The following HDX variants were observed in gnomAD, a reference collection of about 807,000 sequenced individuals.
The protein encoded by HDX is chromosome X open reading frame 43.
In HDX, 19 loss-of-function variants were observed where a neutral mutation model predicts 45.2. The observed-to-expected ratio is 0.42, with a 90% CI of 0.29 to 0.62. The LOEUF is 0.62. HDX is among the 20% of genes least tolerant of loss of function. HDX has a pLI of 0.20. For synonymous variants in HDX, 188 were observed against 172.8 expected (o/e 1.09, Z -0.69); for missense variants, 532 against 493.9 (o/e 1.08, Z -0.73).
At chrX:84,490,707 A>AT (rs778046840) in intron 1 of HDX, among the ~76,000 whole-genome samples, 14,587 of 109,594 alleles carry the variant, frequency 0.13, 1,038 homozygotes, top group Non-Finnish European at 0.2. Context: ...ATTTTTTATA[A>AT]TTTTTTTAAA....
chrX:84,457,950 C>A (rs896900798), intron 4 of HDX, among the ~76,000 whole-genome samples: 1 of 111,772 alleles, frequency 8.9e-6, no homozygotes, highest in Non-Finnish European at 1.9e-5. Flanking sequence ...TAAAATCATT[C>A]GAACATTTGT....
chrX:84,494,283 T>C (rs1157910013), intron 1 of HDX, among the ~76,000 whole-genome samples: 1 of 112,362 alleles, frequency 8.9e-6, no homozygotes, highest in Non-Finnish European at 1.9e-5. Context: ...ATTGTGTTTC[T>C]TTGTACATTT....
intron 4 of HDX, among the ~76,000 whole-genome samples, chrX:84,448,075 G>A (rs867759468): frequency 8.9e-6 from 1 of 111,792 alleles, no homozygotes; most frequent in Non-Finnish European, 1.9e-5. Context: ...TCCTGGCTCA[G>A]CTTCATCCAT....
chrX:84,349,403 A>ATGTGTGTG (rs58864600), intron 6 of HDX, among the ~76,000 whole-genome samples: 6 of 68,512 alleles, frequency 8.8e-5, no homozygotes, highest in Non-Finnish European at 1.3e-4. Context: ...ATATATATAT[A>ATGTGTGTG]TGTGTGTGTG....
intron 5 of HDX, chrX:84,440,076 A>G (rs1378468624): frequency 8.9e-6 from 1 of 111,870 alleles, no homozygotes; most frequent in African/African-American, 3.2e-5. Context: ...CATTTTAAAA[A>G]TTACAACAGT....
At chrX:84,479,778 A>G (rs1427899116) in intron 2 of HDX, among the ~76,000 whole-genome samples, 1 of 110,791 alleles carries the variant, frequency 9.0e-6, no homozygotes, top group Non-Finnish European at 1.9e-5. Context: ...ATTGAATATT[A>G]TTGTTGTGGT....
chrX:84,399,351 A>C (rs931961250), intron 5 of HDX, among the ~76,000 whole-genome samples: 1 of 111,136 alleles, frequency 9.0e-6, no homozygotes, highest in African/African-American at 3.3e-5. Context: ...GAAGTATCAA[A>C]TAGACAACAA....
intron 4 of HDX, among the ~76,000 whole-genome samples, chrX:84,449,821 A>G (rs2039955751): frequency 9.0e-6 from 1 of 111,731 alleles, no homozygotes; most frequent in Non-Finnish European, 1.9e-5. Flanking sequence ...AATAAAAGTA[A>G]AAGGAAAGAA....
intron 5 of HDX, among the ~76,000 whole-genome samples, chrX:84,392,405 A>G (rs2038462456): frequency 9.1e-6 from 1 of 110,420 alleles, no homozygotes; most frequent in Non-Finnish European, 1.9e-5. Context: ...TGGGCTCCCC[A>G]TTTGTTCCAT....
chrX:84,493,688 C>T (rs2040941060), intron 1 of HDX, among the ~76,000 whole-genome samples: 2 of 112,055 alleles, frequency 1.8e-5, no homozygotes, highest in South Asian at 3.6e-4. Flanking sequence ...TTTAATGACA[C>T]TTGCTTTATT....
intron 6 of HDX, among the ~76,000 whole-genome samples, chrX:84,354,553 T>C (rs2037429444): frequency 9.0e-6 from 1 of 110,623 alleles, no homozygotes; most frequent in African/African-American, 3.3e-5. Flanking sequence ...AACTTAAATG[T>C]ATAAATATAG....
intron 5 of HDX, among the ~76,000 whole-genome samples, chrX:84,418,065 C>G (rs756625708): frequency 2.7e-5 from 3 of 111,850 alleles, no homozygotes; most frequent in South Asian, 7.5e-4. Flanking sequence ...CAGTTAGAAA[C>G]AAAAATTCTG....
intron 5 of HDX, among the ~76,000 whole-genome samples, chrX:84,388,025 C>T (rs896216622): frequency 1.8e-5 from 2 of 111,861 alleles, no homozygotes; most frequent in African/African-American, 6.5e-5. Context: ...ATTTGCTTGT[C>T]TGAGAAGGAT....
At chrX:84,438,782 C>T (rs934580160) in intron 5 of HDX, among the ~76,000 whole-genome samples, 3 of 111,059 alleles carry the variant, frequency 2.7e-5, no homozygotes, top group Non-Finnish European at 3.8e-5. Context: ...ATATACTTCA[C>T]TGTTGATGGG....
At chrX:84,395,733 G>A (rs1351770723) in intron 5 of HDX, among the ~76,000 whole-genome samples, 1 of 111,398 alleles carries the variant, frequency 9.0e-6, no homozygotes, top group African/African-American at 3.3e-5. Context: ...CCTTTATGGT[G>A]TTCCATATGT....
chrX:84,326,053 A>G (rs1443616548), intron 10 of HDX, 125 bp downstream of exon 10: 1 of 651,602 alleles, frequency 1.5e-6, no homozygotes, highest in East Asian at 3.3e-5. Context: ...TCATGAAATA[A>G]CAAATATTTC....
At chrX:84,502,184 C>T (rs773686029) in intron 1 of HDX, among the ~76,000 whole-genome samples, 158 bp downstream of exon 1, 1 of 111,023 alleles carries the variant, frequency 9.0e-6, no homozygotes, top group East Asian at 2.9e-4. Flanking sequence ...AGGCACTTGG[C>T]TCCCTAGGAT....
intron 5 of HDX, among the ~76,000 whole-genome samples, chrX:84,405,695 T>A (rs2038804149): frequency 9.7e-6 from 1 of 103,576 alleles, no homozygotes; most frequent in Non-Finnish European, 2.0e-5. Context: ...TGTAAAGTAT[T>A]ACGGAATGCT....
intron 5 of HDX, among the ~76,000 whole-genome samples, chrX:84,428,954 T>C (rs779415545): frequency 2.7e-5 from 3 of 110,482 alleles, no homozygotes; most frequent in African/African-American, 9.8e-5. Flanking sequence ...TTTAAAACCA[T>C]TTGTTGAAAA....
Sources: allele counts gnomAD v4.1 joint callset (sites outside exome capture counted in the v4.1 genomes callset), GRCh38; gene constraint gnomAD v4.1.1; transcripts MANE v1.5; gene names NCBI Gene and HGNC (gene_info 2026-07-23, HGNC 2026-07-21).